The following DNAL1 variants were observed in gnomAD, a reference collection of about 807,000 sequenced individuals.
The protein encoded by DNAL1 is chromosome 14 open reading frame 168.
Under a neutral mutation model 29.4 loss-of-function variants are expected in DNAL1, and 17 were observed. That is an observed-to-expected ratio of 0.58 (90% CI 0.40 to 0.87). DNAL1 has a LOEUF of 0.87. Ranked by LOEUF, DNAL1 falls within the 40% of genes least tolerant of loss-of-function variation. The pLI is 0.00. For synonymous variants in DNAL1, 78 were observed against 76.3 expected, an observed-to-expected ratio of 1.02 and a Z score of -0.12; for missense variants, 188 against 214.1, an observed-to-expected ratio of 0.88 and a Z score of 0.76.
chr14:73,645,174 G>A (rs1890950170), intron 1 of DNAL1, 132 bp downstream of exon 1: 2 of 1,500,968 alleles, frequency 1.3e-6, no homozygotes, highest in Non-Finnish European at 1.8e-6. Context: ...TAGCTCTGTG[G>A]AGTCAGGGGC....
At chr14:73,677,119 C>T (rs1039553712) in intron 5 of DNAL1, among the ~76,000 whole-genome samples, 13 of 151,588 alleles carry the variant, frequency 8.6e-5, no homozygotes, top group Middle Eastern at 3.4e-3. Flanking sequence ...TACAGGCGCC[C>T]GCCCCCACAC....
rs1323871087 is a variant in DNAL1 at position 73,693,240 on chromosome 14, G to T, written c.533-2662G>T. Among the ~76,000 whole-genome samples the T allele has an allele frequency of 9.2e-5, 14 of 151,582 alleles. No individual in the cohort carries two copies. The East Asian group carries it at 2.7e-3, about 29-fold the overall frequency. On this transcript the variant is annotated intron_variant, in intron 7 of 7. Coordinates refer to ENST00000553645, the MANE Select transcript of DNAL1 (RefSeq NM_031427.4). ...ACCCTGTAGGATGGTAATGTAACTTGGTATAACCACTTTGGGAAATTGGCG... is the reference window on the plus strand; with the variant it reads ...ACCCTGTAGGATGGTAATGTAACTTTGTATAACCACTTTGGGAAATTGGCG...
At chr14:73,690,263 G>C (rs1194015756) in intron 7 of DNAL1, among the ~76,000 whole-genome samples, 1 of 151,912 alleles carries the variant, frequency 6.6e-6, no homozygotes, top group Non-Finnish European at 1.5e-5. Context: ...TGCTATGTTG[G>C]ATTAAAGCTG....
At chr14:73,678,754 C>T (rs1038933372) in intron 5 of DNAL1, among the ~76,000 whole-genome samples, 2 of 152,062 alleles carry the variant, frequency 1.3e-5, no homozygotes, top group African/African-American at 4.8e-5. Context: ...CTGCAACAAT[C>T]TAAGTGTCTA....
Position 73,703,191 on chromosome 14 carries a change from G to T in DNAL1, c.*7249G>T, listed in dbSNP as rs1219599040. 1 of 152,122 alleles carries T rather than the reference G, an allele frequency of 6.6e-6. No homozygotes were observed. The highest frequency in any genetic ancestry group is 2.4e-5 in the African/African-American group (1 of 41,426). 9.4% of individuals were successfully genotyped at this position (152,122 alleles called of 1,614,324 possible). A position where few individuals can be genotyped will look rare whatever the true frequency, so the allele number is the denominator to read the frequency against. On this transcript the variant is annotated 3_prime_UTR_variant, in exon 8 of 8. Coordinates refer to ENST00000553645, the MANE Select transcript of DNAL1 (RefSeq NM_031427.4). ...CATAAATATCCCATTGTTATTTTTAGTTCATTGTTTCCTAGAACAAAGGAT... is the reference window on the plus strand; with the variant it reads ...CATAAATATCCCATTGTTATTTTTATTTCATTGTTTCCTAGAACAAAGGAT...
intron 2 of DNAL1, among the ~76,000 whole-genome samples, chr14:73,656,285 A>T (rs1392229512): frequency 6.6e-6 from 1 of 152,120 alleles, no homozygotes; most frequent in Non-Finnish European, 1.5e-5. Context: ...ATCTTAAGGA[A>T]AAAAAGCATA....
chr14:73,698,631 A>G lies in DNAL1; in HGVS notation c.*2689A>G, dbSNP rs1205367153. 1.3e-5 allele frequency: 2 copies of G among 151,926 alleles called. No homozygotes were observed. The highest frequency in any genetic ancestry group is 4.8e-5 in the African/African-American group (2 of 41,334). 9.4% of individuals were successfully genotyped at this position (151,926 alleles called of 1,614,324 possible). On this transcript the variant is annotated 3_prime_UTR_variant, in exon 8 of 8. Coordinates refer to ENST00000553645, the MANE Select transcript of DNAL1 (RefSeq NM_031427.4). ...GCCTATTTTTGTATTTTTAGTAGAG[A>G]TGGGGTTTCACCATGTTGGCCAGGC... is the stretch of plus-strand genomic sequence containing the variant.
At chr14:73,647,450 G>A (rs1316935067) in intron 1 of DNAL1, among the ~76,000 whole-genome samples, 1 of 151,858 alleles carries the variant, frequency 6.6e-6, no homozygotes, top group African/African-American at 2.4e-5. Flanking sequence ...GTATTACTGA[G>A]ATATAGTGTG....
intron 4 of DNAL1, among the ~76,000 whole-genome samples, chr14:73,664,605 A>T (rs77589855): frequency 0.028 from 4,190 of 152,346 alleles, 87 homozygotes; most frequent in Non-Finnish European, 0.045. Context: ...ACCATGGCTC[A>T]TGCCTATAAT....
intron 7 of DNAL1, among the ~76,000 whole-genome samples, chr14:73,690,037 C>G (rs1005826562): frequency 6.0e-5 from 2 of 33,294 alleles, no homozygotes; most frequent in South Asian, 1.8e-3. Flanking sequence ...AATTCCGTCT[C>G]AAAAAAAAAA....
chr14:73,661,260 T>G (rs1042787518), intron 3 of DNAL1, among the ~76,000 whole-genome samples: 2 of 152,208 alleles, frequency 1.3e-5, no homozygotes, highest in African/African-American at 4.8e-5. Flanking sequence ...CTCCTTTGTT[T>G]TAGTGGCAGC....
chr14:73,657,219 G>A (rs1317152456), intron 2 of DNAL1, among the ~76,000 whole-genome samples: 5 of 152,010 alleles, frequency 3.3e-5, no homozygotes, highest in African/African-American at 7.3e-5. Context: ...TTGTTAATTC[G>A]TTTGTTTTTC....
At chr14:73,652,217 C>G (rs1283865576) in intron 1 of DNAL1, among the ~76,000 whole-genome samples, 1 of 151,838 alleles carries the variant, frequency 6.6e-6, no homozygotes, top group Non-Finnish European at 1.5e-5. Flanking sequence ...CTATGCCTGG[C>G]TAATATTTGT....
At chr14:73,669,756 C>T (rs147552415) in intron 4 of DNAL1, among the ~76,000 whole-genome samples, 1,829 of 152,160 alleles carry the variant, frequency 0.012, 19 homozygotes, top group Middle Eastern at 0.027. Flanking sequence ...GGCTCTGTCT[C>T]CAAATGCAGT....
At chr14:73,664,916 G>A (rs1386250122) in intron 4 of DNAL1, among the ~76,000 whole-genome samples, 1 of 151,618 alleles carries the variant, frequency 6.6e-6, no homozygotes, top group African/African-American at 2.4e-5. Context: ...CCCCCTCCTT[G>A]AAGACTTCCC....
rs570969955 is a variant in DNAL1, at chr14:73,658,913, A to G, written c.109A>G (p.Ile37Val). The G allele has an allele frequency of 1.7e-5, 27 of 1,579,842 alleles. No individual in the cohort carries two copies. In the Middle Eastern group the frequency reaches 5.0e-4, roughly 30 times the overall value. The change falls in exon 3 of 8, where the codon ATA becomes GTA. Residue 37 changes from isoleucine (I) to valine (V), a missense_variant. Coordinates refer to ENST00000553645, the MANE Select transcript of DNAL1 (RefSeq NM_031427.4). ...AAAACTTTATGCCCAGATTCCCCCTATAGAGAAGATGGATGCATCCTTGTC... is the reference window on the plus strand; with the variant it reads ...AAAACTTTATGCCCAGATTCCCCCTGTAGAGAAGATGGATGCATCCTTGTC... The part of the protein sequence containing the change: ...EIKLYAQIPP[I>V]EKMDASLSML...
At chr14:73,654,758 CAAAAT>C in intron 1 of DNAL1, 84 bp from the exon 2 acceptor site, 3 of 1,258,856 alleles carry the variant, frequency 2.4e-6, no homozygotes, top group Non-Finnish European at 2.1e-6. Flanking sequence ...GATTCTGTCT[CAAAAT>C]AAATACATAC....
At chr14:73,672,651 G>T (rs998524820) in intron 5 of DNAL1, among the ~76,000 whole-genome samples, 1 of 151,012 alleles carries the variant, frequency 6.6e-6, no homozygotes, top group African/African-American at 2.4e-5. Flanking sequence ...TCAGATTCTG[G>T]GATTAAATAA....
At chr14:73,669,294 T>C (rs2140040393) in intron 4 of DNAL1, among the ~76,000 whole-genome samples, 1 of 152,166 alleles carries the variant, frequency 6.6e-6, no homozygotes, top group South Asian at 2.1e-4. Context: ...AAACTTTTTT[T>C]TGAGAGGGAA....
Sources: allele counts gnomAD v4.1 joint callset (sites outside exome capture counted in the v4.1 genomes callset), GRCh38; gene constraint gnomAD v4.1.1; transcripts MANE v1.5; gene names NCBI Gene and HGNC (gene_info 2026-07-23, HGNC 2026-07-21).